ZFHX2: variants seen among roughly 807,000 people sequenced by gnomAD.
ZFHX2 encodes the protein zinc finger homeobox protein 2.
A neutral mutation model predicts 164.8 loss-of-function variants in ZFHX2; 75 were observed. The ratio of observed to expected loss-of-function variants is 0.46; its 90% CI spans 0.38 to 0.55. The LOEUF (loss-of-function observed/expected upper bound fraction) is 0.55. Ranked by LOEUF, ZFHX2 falls within the 20% of genes least tolerant of loss-of-function variation. The pLI is 0.00. For missense variants in ZFHX2, 2,933 were observed against 3,308.0 expected (o/e 0.89, Z 2.78); for synonymous variants, 1,217 against 1,351.4 (o/e 0.90, Z 2.18).
chr14:23,549,276 T>A (rs1326880919), intron 1 of ZFHX2, among the ~76,000 whole-genome samples: 2 of 152,106 alleles, frequency 1.3e-5, no homozygotes, highest in African/African-American at 4.8e-5. Flanking sequence ...ATCCCTCACG[T>A]CATACATTTC....
Position 23,525,016 on chromosome 14 carries a change from C to T in ZFHX2, c.4926G>A (p.Trp1642Ter). The T allele has an allele frequency of 6.5e-7, 1 of 1,536,236 alleles. No homozygotes were observed. Among genetic ancestry groups the T allele is most frequent in the Non-Finnish European group, 8.7e-7 (1 of 1,146,928 alleles). The stretch of plus-strand genomic sequence containing the variant: ...GTGCTTTCTGGCGGGCATTCTGGAA[C>T]CACACCACCACCACACGGCTAGCCA... Reference protein sequence around the residue: ...LGLASRVVVVWFQNARQKARK... With the variant: ...LGLASRVVVV The change falls in exon 9 of 10, where the codon TGG (tryptophan) becomes TGA (stop). Residue 1642 changes from tryptophan to a stop codon, truncating the protein, a stop_gained. Coordinates refer to ENST00000419474, the MANE Select transcript of ZFHX2 (RefSeq NM_033400.3). LOFTEE classifies it high-confidence loss of function. This position sits in a 1 kb window ranked among gnomAD's most constrained non-coding sequence, Gnocchi z 5.9.
Position 23,533,160 on chromosome 14 carries a change from A to T in ZFHX2, c.2042-76T>A. On this transcript the variant is annotated intron_variant, in intron 2 of 9. Coordinates refer to ENST00000419474, the MANE Select transcript of ZFHX2 (RefSeq NM_033400.3). This position sits in a 1 kb window ranked among gnomAD's most constrained non-coding sequence, Gnocchi z 4.8. ...GGTTCTCTATGTGGGGAGGTGGGTT[A>T]ATGAGTAGGATAGTGCTCAGAGGGA... The T allele has an allele frequency of 6.9e-7, 1 of 1,456,298 alleles. No individual in the cohort carries two copies. The highest frequency in any genetic ancestry group is 9.0e-7 in the Non-Finnish European group (1 of 1,107,234). The allele number at this position is 1,456,298 out of a possible 1,614,324, so 90.2% of individuals were successfully genotyped here.
In ZFHX2 at chr14:23,526,470, G is replaced by A. The variant is rs572156029; in HGVS notation, c.3472C>T (p.Arg1158Cys). 8.7e-5 allele frequency: 133 copies of A among 1,536,150 alleles called. 1 individual carries two copies. In the African/African-American group the frequency reaches 1.6e-3, roughly 18 times the overall value. The change falls in exon 9 of 10, where the codon CGC (arginine) becomes TGC (cysteine). Residue 1158 changes from arginine (R) to cysteine (C), a missense_variant. Transcript: ENST00000419474. Reference sequence around the variant, plus strand: ...TCAGCTGGAGCTGGCTCTGCAGAGCGGAGCTCCCCAGTGGTCCCCTCTTCC... The same window carrying A: ...TCAGCTGGAGCTGGCTCTGCAGAGCAGAGCTCCCCAGTGGTCCCCTCTTCC... The part of the protein sequence containing the change: ...EEEEGTTGEL[R>C]SAEPAPADSR...
At chr14:23,552,386 G>A (rs1025029567), upstream of ZFHX2, among the ~76,000 whole-genome samples, 3 of 147,434 alleles carry the variant, frequency 2.0e-5, no homozygotes, top group African/African-American at 5.0e-5. Context: ...CTCCACCACC[G>A]GGTTCAAGCG....
rs1389205509 is a variant in ZFHX2 at position 23,551,156 on chromosome 14, G to C, written c.-50+187C>G. ...CTGTCTGCTATCTCCCAGGGCTCTC[G>C]GTCTGTCTGTCCGTCCGTCCTTGTC... is the stretch of plus-strand genomic sequence containing the variant. On this transcript the variant is annotated intron_variant, in intron 1 of 9. Transcript: ENST00000419474. This position sits in a 1 kb window ranked among gnomAD's most constrained non-coding sequence, Gnocchi z 5.3. Among the ~76,000 whole-genome samples, 1 of 150,916 alleles carries C rather than the reference G, an allele frequency of 6.6e-6. No homozygotes were observed. The highest frequency in any genetic ancestry group is 1.5e-5 in the Non-Finnish European group (1 of 67,800).
rs1792444670 is a variant in ZFHX2, at chr14:23,522,221, G to A, written c.7460C>T (p.Pro2487Leu). Residue 2487 changes from proline to leucine, a missense_variant, in exon 10 of 10, where the codon CCA (proline) becomes CTA (leucine). Physicochemically the swap from Pro to Leu is moderately conservative, Grantham distance 98 (BLOSUM62 -3). Transcript: ENST00000419474. ...GTAGGTGCAGATGGGCACCCGCAAT[G>A]GGGGTGGCATGGAGCCCCCAGAGCC... The part of the protein sequence containing the change: ...GRGSGGSMPP[P>L]LRVPICTYHC... 5 of 1,478,564 alleles carry A rather than the reference G, an allele frequency of 3.4e-6. No homozygotes were observed. The highest frequency in any genetic ancestry group is 4.5e-6 in the Non-Finnish European group (5 of 1,117,040). 91.6% of individuals were successfully genotyped at this position (1,478,564 alleles called of 1,614,324 possible).
Position 23,526,336 on chromosome 14 carries a change from C to T in ZFHX2, c.3606G>A (p.Gln1202=). The T allele has an allele frequency of 6.5e-7, 1 of 1,536,320 alleles. No individual in the cohort carries two copies. Among genetic ancestry groups the T allele is most frequent in the Non-Finnish European group, 8.7e-7 (1 of 1,146,936 alleles). The change falls in exon 9 of 10, where the codon CAG becomes CAA. Residue 1202 remains glutamine, a synonymous_variant. Transcript: ENST00000419474. ...TATAATGAACCAACAGAATATTCTTCTGGGTGAAGGACTCCTTACACACAG... is the reference window on the plus strand; with the variant it reads ...TATAATGAACCAACAGAATATTCTTTTGGGTGAAGGACTCCTTACACACAG... ...KCTVCKESFT[Q]KNILLVHYNS...
In ZFHX2 at chr14:23,521,396, G is replaced by C. The variant is rs1397185791; in HGVS notation, c.*566C>G. 2 of 152,440 alleles carry C rather than the reference G, an allele frequency of 1.3e-5. No homozygotes were observed. The highest frequency in any genetic ancestry group is 4.8e-5 in the African/African-American group (2 of 41,470). The allele number at this position is 152,440 out of a possible 1,614,324, so 9.4% of individuals were successfully genotyped here. ...CTGAGCATTTGGAAAGAGTTTGTGA[G>C]CGGTGTGGTGCTCTAGACAAAGGGT... On this transcript the variant is annotated 3_prime_UTR_variant, in exon 10 of 10. Coordinates refer to ENST00000419474, the MANE Select transcript of ZFHX2 (RefSeq NM_033400.3).
In ZFHX2 at chr14:23,533,498, G is replaced by A. The variant is rs1304980208; in HGVS notation, c.1828C>T (p.Pro610Ser). The A allele has an allele frequency of 6.5e-7, 1 of 1,535,962 alleles. No homozygotes were observed. The highest frequency in any genetic ancestry group is 1.4e-5 in the African/African-American group (1 of 73,032). Reference sequence around the variant, plus strand: ...GGAGGGCCTGGCCCCATCAATCCAGGTGGCAGGCCCAGCGGCAGCCCCTGG... The same window carrying A: ...GGAGGGCCTGGCCCCATCAATCCAGATGGCAGGCCCAGCGGCAGCCCCTGG... ...LHQGLPLGLPPGLMGPGPPPP... is the reference protein window; with the variant it reads ...LHQGLPLGLPSGLMGPGPPPP... Residue 610 changes from proline (P) to serine (S), a missense_variant, in exon 2 of 10, where the codon CCT becomes TCT. Transcript: ENST00000419474. This position sits in a 1 kb window ranked among gnomAD's most constrained non-coding sequence, Gnocchi z 4.8.
intron 6 of ZFHX2, 87 bp downstream of exon 6, chr14:23,529,623 C>CA: frequency 2.3e-6 from 3 of 1,317,054 alleles, no homozygotes; most frequent in Non-Finnish European, 3.2e-6. Context: ...CAAAGCATGA[C>CA]AAAATTACGT....
rs1384623653 is a variant in ZFHX2, at chr14:23,522,451, G to A, written c.7230C>T (p.Pro2410=). Reference sequence around the variant, plus strand: ...GAGGCTTTGGAGGTGCTGTGGCTGTGGGCTCAGGGGGCTGGGGTGGCGGCT... The same window carrying A: ...GAGGCTTTGGAGGTGCTGTGGCTGTAGGCTCAGGGGGCTGGGGTGGCGGCT... ...LLQPPPQPPE[P]TATAPPKPPE... Residue 2410 remains proline, a synonymous_variant, in exon 10 of 10, where the codon CCC becomes CCT. Coordinates refer to ENST00000419474, the MANE Select transcript of ZFHX2 (RefSeq NM_033400.3). The A allele has an allele frequency of 6.5e-7, 1 of 1,536,224 alleles. No individual in the cohort carries two copies. Among genetic ancestry groups the A allele is most frequent in the Non-Finnish European group, 8.7e-7 (1 of 1,146,846 alleles).
rs765139824 is a variant in ZFHX2, at chr14:23,522,442, T to C, written c.7239A>G (p.Thr2413=). The part of the protein sequence containing the change: ...PPPQPPEPTA[T]APPKPPELPA... Reference sequence around the variant, plus strand: ...GCAGTTCAGGAGGCTTTGGAGGTGCTGTGGCTGTGGGCTCAGGGGGCTGGG... The same window carrying C: ...GCAGTTCAGGAGGCTTTGGAGGTGCCGTGGCTGTGGGCTCAGGGGGCTGGG... Residue 2413 remains threonine, a synonymous_variant, in exon 10 of 10, where the codon ACA becomes ACG. Transcript: ENST00000419474. 1 of 1,536,410 alleles carries C rather than the reference T, an allele frequency of 6.5e-7. No homozygotes were observed. The highest frequency in any genetic ancestry group is 1.2e-5 in the South Asian group (1 of 84,060).
rs1373462604 is a variant in ZFHX2 at position 23,522,488 on chromosome 14, T to C, written c.7193A>G (p.Asn2398Ser). The part of the protein sequence containing the change: ...IPQTLIGLLP[N>S]ALLQPPPQPP... ...CTGGGGTGGCGGCTGGAGGAGGGCA[T>C]TGGGGAGCAGCCCAATGAGGGTCTG... Residue 2398 changes from asparagine to serine, a missense_variant, in exon 10 of 10, where the codon AAT (asparagine) becomes AGT (serine). Transcript: ENST00000419474. 3.2e-5 allele frequency: 49 copies of C among 1,534,534 alleles called. No homozygotes were observed. Among genetic ancestry groups the C allele is most frequent in the Non-Finnish European group, 4.2e-5 (48 of 1,145,956 alleles).
rs1469007053 is a variant in ZFHX2, at chr14:23,522,467, G to T, written c.7214C>A (p.Pro2405His). 6.5e-7 allele frequency: 1 copy of T among 1,535,886 alleles called. No homozygotes were observed. Among genetic ancestry groups the T allele is most frequent in the Non-Finnish European group, 8.7e-7 (1 of 1,146,606 alleles). The change falls in exon 10 of 10, where the codon CCC (proline) becomes CAC (histidine). Residue 2405 changes from proline to histidine, a missense_variant. Physicochemically the swap from Pro to His is moderately conservative, Grantham distance 77. Transcript: ENST00000419474. ...TGTGGCTGTGGGCTCAGGGGGCTGG[G>T]GTGGCGGCTGGAGGAGGGCATTGGG... ...LLPNALLQPP[P>H]QPPEPTATAP...
chr14:23,535,282 G>T lies in ZFHX2; in HGVS notation c.44C>A (p.Ser15Tyr). The stretch of plus-strand genomic sequence containing the variant: ...CAGGGACGGGGCATTGTGCCCAGGG[G>T]AGGGGGTGGTACCAGTGGTAGAGGC... ...NSASTTGTTP[S>Y]PGHNAPSLPS... is the part of the protein sequence containing the mutation. Residue 15 changes from serine (S) to tyrosine (Y), a missense_variant, in exon 2 of 10, where the codon TCC (serine) becomes TAC (tyrosine). Physicochemically the swap from Ser to Tyr is moderately radical, Grantham distance 144. Coordinates refer to ENST00000419474, the MANE Select transcript of ZFHX2 (RefSeq NM_033400.3). The surrounding 1 kb of genome is among the most constrained non-coding windows in gnomAD (Gnocchi z 4.5). 1.3e-6 allele frequency: 2 copies of T among 1,486,696 alleles called. No individual in the cohort carries two copies. Among genetic ancestry groups the T allele is most frequent in the Non-Finnish European group, 8.9e-7 (1 of 1,117,792 alleles). 92.1% of individuals were successfully genotyped at this position (1,486,696 alleles called of 1,614,324 possible).
In ZFHX2 at chr14:23,531,638, G is replaced by T. The variant is rs1043959405; in HGVS notation, c.2643C>A (p.Ser881=). 16 of 1,519,000 alleles carry T rather than the reference G, an allele frequency of 1.1e-5. No homozygotes were observed. In the Admixed American group the frequency reaches 2.2e-4, roughly 21 times the overall value. 94.1% of individuals were successfully genotyped at this position (1,519,000 alleles called of 1,614,324 possible). ...HCLLCAWETP[S]RLAVLQHLRT... ...GCAGGTGTTGCAGCACAGCCAAGCG[G>T]GAGGGTGTCTCCCACGCACACAACA... Residue 881 remains serine, a synonymous_variant, in exon 4 of 10, where the codon TCC becomes TCA. Coordinates refer to ENST00000419474, the MANE Select transcript of ZFHX2 (RefSeq NM_033400.3).
chr14:23,527,085 C>A lies in ZFHX2; in HGVS notation c.3136-112G>T, dbSNP rs1878825775. 7.2e-6 allele frequency: 10 copies of A among 1,381,226 alleles called. No individual in the cohort carries two copies. In the South Asian group the frequency reaches 1.6e-4, roughly 22 times the overall value. The allele number at this position is 1,381,226 out of a possible 1,614,324, so 85.6% of individuals were successfully genotyped here. A position where few individuals can be genotyped will look rare whatever the true frequency, so the allele number is the denominator to read the frequency against. ...TGTGCCGAGATCCCTTGCCACAGAT[C>A]CAGCCTCCTGTCTGAACAAACCTCC... On this transcript the variant is annotated intron_variant, in intron 7 of 9. Coordinates refer to ENST00000419474, the MANE Select transcript of ZFHX2 (RefSeq NM_033400.3).
Position 23,541,010 on chromosome 14 carries a change from A to T in ZFHX2, c.-49-5636T>A, listed in dbSNP as rs527256972. Among the ~76,000 whole-genome samples the T allele has an allele frequency of 1.7e-4, 26 of 151,510 alleles. No homozygotes were observed. In the East Asian group the frequency reaches 4.9e-3, roughly 29 times the overall value. ...AACCTCCACCTCCCAGGTTCAAGTGATTCTCCCTGCCATAGCCTCCCGAGT... is the reference window on the plus strand; with the variant it reads ...AACCTCCACCTCCCAGGTTCAAGTGTTTCTCCCTGCCATAGCCTCCCGAGT... On this transcript the variant is annotated intron_variant, in intron 1 of 9. Coordinates refer to ENST00000419474, the MANE Select transcript of ZFHX2 (RefSeq NM_033400.3).
rs1210867761 is a variant in ZFHX2, at chr14:23,526,433, G to A, written c.3509C>T (p.Pro1170Leu). 1 of 1,536,398 alleles carries A rather than the reference G, an allele frequency of 6.5e-7. No homozygotes were observed. The highest frequency in any genetic ancestry group is 2.4e-5 in the East Asian group (1 of 40,892). The change falls in exon 9 of 10, where the codon CCT becomes CTT. Residue 1170 changes from proline (P) to leucine (L), a missense_variant. Physicochemically the swap from Pro to Leu is moderately conservative, Grantham distance 98. Coordinates refer to ENST00000419474, the MANE Select transcript of ZFHX2 (RefSeq NM_033400.3). ...AEPAPADSRHPLTYRKTTNFA... is the reference protein window; with the variant it reads ...AEPAPADSRHLLTYRKTTNFA... ...GTTGGTGGTTTTCCGATAGGTCAGA[G>A]GGTGGCGAGAGTCAGCTGGAGCTGG...
Sources: gnomAD v4.1 joint callset for allele counts (sites outside exome capture counted in the v4.1 genomes callset) on GRCh38, gnomAD v4.1.1 for gene constraint, Gnocchi (gnomAD v3.1) non-coding constraint, MANE v1.5 for transcripts, NCBI Gene and HGNC (gene_info 2026-07-23, HGNC 2026-07-21) for gene names.